The following HMGXB3 variants were observed in gnomAD, a reference collection of about 807,000 sequenced individuals.
HMGXB3 encodes the protein HMG domain-containing protein 3.
A neutral mutation model predicts 121.5 loss-of-function variants in HMGXB3; 45 were observed. The ratio of observed to expected loss-of-function variants is 0.37; its 90% CI spans 0.29 to 0.47. The LOEUF (loss-of-function observed/expected upper bound fraction) is 0.47. Among genes scored for constraint, HMGXB3 ranks in the 20% least tolerant of loss-of-function variants. The probability of loss-of-function intolerance (pLI) is 0.99; values close to 1 mark genes in which losing one functional copy is unlikely to be tolerated. For synonymous variants in HMGXB3, 590 were observed against 624.1 expected, an observed-to-expected ratio of 0.95 and a Z score of 0.81; for missense variants, 1,376 against 1,602.2, an observed-to-expected ratio of 0.86 and a Z score of 2.41.
At position 150,051,735 on chromosome 5, in the gene HMGXB3, G is replaced by T; in HGVS notation, c.3422G>T (p.Cys1141Phe). 6.6e-7 allele frequency: 1 copy of T among 1,526,278 alleles called. No homozygotes were observed. Among genetic ancestry groups the T allele is most frequent in the Non-Finnish European group, 8.8e-7 (1 of 1,137,014 alleles). 94.5% of individuals were successfully genotyped at this position (1,526,278 alleles called of 1,614,324 possible). ...TCATTTCTCTTCTAGAGTGTGTCCT[G>T]CCCAGAGCTCTTGGACCAGCATTAT... ...SPTEPPVSVSCPELLDQHYTV... is the reference protein window; with the variant it reads ...SPTEPPVSVSFPELLDQHYTV... The change falls in exon 20 of 20, where the codon TGC (cysteine) becomes TTC (phenylalanine). Residue 1141 changes from cysteine (C) to phenylalanine (F), a missense_variant. This residue lies in a region of HMGXB3 where 260 missense variants were observed against 233.2 expected (regional missense o/e 1.11). Coordinates refer to ENST00000502717, the MANE Select transcript of HMGXB3 (RefSeq NM_014983.3).
At chr5:150,006,716 C>A in intron 3 of HMGXB3, 69 bp downstream of exon 3, 1 of 1,320,808 alleles carries the variant, frequency 7.6e-7, no homozygotes. Context: ...AAAACCAAGC[C>A]CCTTGTTCTG....
chr5:150,045,230 A>C (rs1011700278), intron 15 of HMGXB3, among the ~76,000 whole-genome samples: 1 of 152,214 alleles, frequency 6.6e-6, no homozygotes, highest in African/African-American at 2.4e-5. Context: ...TAGAAACAGA[A>C]GGGATTTAGG....
rs1756737432 is a variant in HMGXB3 at position 150,045,628 on chromosome 5, G to A, written c.2893G>A (p.Gly965Arg). 3.2e-6 allele frequency: 5 copies of A among 1,551,818 alleles called. No homozygotes were observed. In the East Asian group the frequency reaches 1.2e-4, roughly 38 times the overall value. Residue 965 changes from glycine (G) to arginine (R), a missense_variant, in exon 16 of 20, where the codon GGA (glycine) becomes AGA (arginine). Physicochemically the swap from Gly to Arg is moderately radical, Grantham distance 125. Around this residue, in one of 2 missense-constraint regions of HMGXB3, gnomAD observed 1,116 missense variants for 1,369.0 expected, o/e 0.82. Transcript: ENST00000502717. Reference sequence around the variant, plus strand: ...CCCCTTCTTCCCACCACTCATGAGAGGAGCTGTGGTCGTCAACACTGAGAA... The same window carrying A: ...CCCCTTCTTCCCACCACTCATGAGAAGAGCTGTGGTCGTCAACACTGAGAA... Reference protein sequence around the residue: ...IAPFFPPLMRGAVVVNTEKDK... With the variant: ...IAPFFPPLMRRAVVVNTEKDK...
At chr5:150,030,873 T>G (rs1478563186) in intron 10 of HMGXB3, 34 bp downstream of exon 10, 1 of 1,491,774 alleles carries the variant, frequency 6.7e-7, no homozygotes, top group African/African-American at 1.4e-5. Context: ...TGGGTTGACA[T>G]GGAGGTTGTT....
chr5:150,016,459 C>T (rs1755963278), intron 5 of HMGXB3, among the ~76,000 whole-genome samples: 1 of 151,584 alleles, frequency 6.6e-6, no homozygotes, highest in Non-Finnish European at 1.5e-5. Context: ...AGTATGTAAA[C>T]ATGTAGGATT....
At chr5:150,040,939 T>A in intron 14 of HMGXB3, 60 bp downstream of exon 14, 2 of 1,423,388 alleles carry the variant, frequency 1.4e-6, no homozygotes, top group South Asian at 2.9e-5. Flanking sequence ...GAATTTTCAG[T>A]GATGGCATTT....
In HMGXB3 at chr5:150,012,323, G is replaced by A. The variant is rs376322936; in HGVS notation, c.879G>A (p.Ser293=). The change falls in exon 5 of 20, where the codon TCG becomes TCA. Residue 293 remains serine, a synonymous_variant. Coordinates refer to ENST00000502717, the MANE Select transcript of HMGXB3 (RefSeq NM_014983.3). Reference sequence around the variant, plus strand: ...TCATGTTGCCTCTGCCTGCCTACTCGGTTGTGGAGAACCCCACCTCCATCA... The same window carrying A: ...TCATGTTGCCTCTGCCTGCCTACTCAGTTGTGGAGAACCCCACCTCCATCA... ...QFIMLPLPAY[S]VVENPTSIKL... is the part of the protein sequence containing the mutation. 661 of 1,552,276 alleles carry A rather than the reference G, an allele frequency of 4.3e-4. 3 individuals are homozygous for A. Among genetic ancestry groups the A allele is most frequent in the Middle Eastern group, 3.2e-3 (19 of 5,996 alleles).
intron 9 of HMGXB3, among the ~76,000 whole-genome samples, chr5:150,027,832 G>A (rs1359532104): frequency 6.6e-6 from 1 of 152,000 alleles, no homozygotes; most frequent in Non-Finnish European, 1.5e-5. Flanking sequence ...GGATTACAGG[G>A]GTGAGCCACC....
intron 5 of HMGXB3, 78 bp downstream of exon 5, chr5:150,012,431 T>C (rs955336136): frequency 1.0e-6 from 1 of 992,054 alleles, no homozygotes; most frequent in Non-Finnish European, 1.6e-6. Context: ...TGTCTTTTTT[T>C]CTTTCTGAGC....
chr5:150,026,423 G>A (rs1186419168), intron 7 of HMGXB3, among the ~76,000 whole-genome samples: 4 of 152,178 alleles, frequency 2.6e-5, no homozygotes, highest in Admixed American at 6.5e-5. Flanking sequence ...GGCATTACAC[G>A]CTGTAGACAT....
At position 150,016,048 on chromosome 5, in the gene HMGXB3, T is replaced by A. The variant is rs532654723; in HGVS notation, c.910-2518T>A. Reference sequence around the variant, plus strand: ...TTTTGTCTACTTGTTCTATCAATTATAAGAGAAGGCATCTGGCCGGGCACG... The same window carrying A: ...TTTTGTCTACTTGTTCTATCAATTAAAAGAGAAGGCATCTGGCCGGGCACG... On this transcript the variant is annotated intron_variant, in intron 5 of 19. Coordinates refer to ENST00000502717, the MANE Select transcript of HMGXB3 (RefSeq NM_014983.3). Among the ~76,000 whole-genome samples, 52 of 152,302 alleles carry A rather than the reference T, an allele frequency of 3.4e-4. 1 individual carries two copies. The South Asian group carries it at 4.1e-3, about 12-fold the overall frequency.
rs537453390 is a variant in HMGXB3 at position 150,028,495 on chromosome 5, ATATGTATG to A, written c.1734+1384_1734+1391del. ...GTGTGTTTGATATATATATGTATAT[ATATGTATG>A]TATGTGTGTGTGTGTGTGTGTGTGT... On this transcript the variant is annotated intron_variant, in intron 9 of 19. Transcript: ENST00000502717. Among the ~76,000 whole-genome samples, 69 of 88,168 alleles carry A rather than the reference ATATGTATG, an allele frequency of 7.8e-4. 2 individuals carry two copies. The highest frequency in any genetic ancestry group is 4.0e-3 in the African/African-American group (63 of 15,762). 57.8% of individuals were successfully genotyped at this position (88,168 alleles called of 152,430 possible). A position where few individuals can be genotyped will look rare whatever the true frequency, so the allele number is the denominator to read the frequency against.
chr5:150,030,068 T>C (rs1756336351), intron 9 of HMGXB3, among the ~76,000 whole-genome samples: 1 of 152,238 alleles, frequency 6.6e-6, no homozygotes, highest in South Asian at 2.1e-4. Context: ...AAGAGGTACA[T>C]GAGATATTCA....
intron 5 of HMGXB3, chr5:150,014,757 GTGTA>G (rs1357075815): frequency 3.2e-6 from 1 of 316,764 alleles, no homozygotes; most frequent in African/African-American, 2.2e-5. Flanking sequence ...GGTGGAGTCT[GTGTA>G]TGGGCCCTCT....
At chr5:150,032,848 A>G (rs1435234588) in intron 11 of HMGXB3, among the ~76,000 whole-genome samples, 1 of 152,196 alleles carries the variant, frequency 6.6e-6, no homozygotes, top group Non-Finnish European at 1.5e-5. Context: ...CACTCACTGC[A>G]GAGAATGATG....
In HMGXB3 at chr5:150,024,616, G is replaced by A. The variant is rs35341726; in HGVS notation, c.1396G>A (p.Val466Ile). 47 of 1,551,552 alleles carry A rather than the reference G, an allele frequency of 3.0e-5. No individual in the cohort carries two copies. Among genetic ancestry groups the A allele is most frequent in the Non-Finnish European group, 3.7e-5 (42 of 1,146,988 alleles). Reference sequence around the variant, plus strand: ...TGACAATGACAGTCCTGGAGCAGACGTACCAACACCATCCGAGGGGACAAG... The same window carrying A: ...TGACAATGACAGTCCTGGAGCAGACATACCAACACCATCCGAGGGGACAAG... ...TTDNDSPGAD[V>I]PTPSEGTSTS... Residue 466 changes from valine to isoleucine, a missense_variant, in exon 7 of 20, where the codon GTA becomes ATA. Val to Ile is a conservative substitution (Grantham distance 29). Around this residue, in one of 2 missense-constraint regions of HMGXB3, gnomAD observed 1,116 missense variants for 1,369.0 expected, o/e 0.82. Transcript: ENST00000502717.
Position 150,044,710 on chromosome 5 carries a change from G to A in HMGXB3, c.2731-756G>A, listed in dbSNP as rs375161160. On this transcript the variant is annotated intron_variant, in intron 15 of 19. Coordinates refer to ENST00000502717, the MANE Select transcript of HMGXB3 (RefSeq NM_014983.3). ...AACTTTTTTAAATGCAAAATTAGGA[G>A]TTTAGTTCATACAGCTCAAGATGTG... Among the ~76,000 whole-genome samples, 8 of 152,244 alleles carry A rather than the reference G, an allele frequency of 5.3e-5. No individual in the cohort carries two copies. In the East Asian group the frequency reaches 7.7e-4, roughly 15 times the overall value.
chr5:150,048,804 T>C (rs1455378280), intron 18 of HMGXB3, 119 bp downstream of exon 18: 1 of 744,666 alleles, frequency 1.3e-6, no homozygotes, highest in Non-Finnish European at 2.3e-6. Context: ...ACCTCCGGCA[T>C]AGCTGCCCAC....
chr5:150,052,092 T>C lies in HMGXB3; in HGVS notation c.3779T>C (p.Val1260Ala). ...GTACAGAGCTGCCAGCCTGGTGAGG[T>C]GGTCATTCGTGACACCCTCTACCGC... is the stretch of plus-strand genomic sequence containing the variant. The part of the protein sequence containing the change: ...DIVQSCQPGE[V>A]VIRDTLYRLG... Residue 1260 changes from valine (V) to alanine (A), a missense_variant, in exon 20 of 20, where the codon GTG (valine) becomes GCG (alanine). Val to Ala is a moderately conservative substitution (Grantham distance 64, BLOSUM62 0). Transcript: ENST00000502717. The C allele has an allele frequency of 6.4e-7, 1 of 1,551,716 alleles. No homozygotes were observed. Among genetic ancestry groups the C allele is most frequent in the Non-Finnish European group, 8.7e-7 (1 of 1,147,002 alleles).
Sources: allele counts gnomAD v4.1 joint callset (sites outside exome capture counted in the v4.1 genomes callset), GRCh38; gene constraint gnomAD v4.1.1; regional missense constraint gnomAD v4.1.1; transcripts MANE v1.5; gene names NCBI Gene and HGNC (gene_info 2026-07-23, HGNC 2026-07-21).